The following NAV2 variants were observed in gnomAD, a reference collection of about 807,000 sequenced individuals.
The protein encoded by NAV2 is neuron navigator 2.
A neutral mutation model predicts 223.2 loss-of-function variants in NAV2; 54 were observed. The ratio of observed to expected loss-of-function variants is 0.24; its 90% CI spans 0.19 to 0.30. NAV2 has a LOEUF of 0.30. NAV2 is among the 10% of genes least tolerant of loss of function. The pLI is 1.00. For missense variants in NAV2, 2,806 were observed against 3,147.5 expected (o/e 0.89, Z 2.60); for synonymous variants, 1,279 against 1,239.3 (o/e 1.03, Z -0.67).
intron 1 of NAV2, among the ~76,000 whole-genome samples, chr11:19,571,377 G>A (rs2045419390): frequency 6.6e-6 from 1 of 152,200 alleles, no homozygotes; most frequent in African/African-American, 2.4e-5. Flanking sequence ...AGGCTACGCA[G>A]CATTATGAAA....
chr11:19,956,409 CTCTCTA>C (rs1347318221), intron 10 of NAV2, among the ~76,000 whole-genome samples: 15 of 151,818 alleles, frequency 9.9e-5, no homozygotes, highest in African/African-American at 2.9e-4. Context: ...CTCTCTCTCT[CTCTCTA>C]TCTCTCCAGA....
chr11:19,569,620 G>A (rs1475197809), intron 1 of NAV2, among the ~76,000 whole-genome samples: 1 of 151,802 alleles, frequency 6.6e-6, no homozygotes, highest in Non-Finnish European at 1.5e-5. Context: ...TATTTCTGTG[G>A]CCCCCATAGC....
At chr11:19,512,781 C>T (rs918686561) in intron 1 of NAV2, among the ~76,000 whole-genome samples, 50 of 152,176 alleles carry the variant, frequency 3.3e-4, no homozygotes, top group African/African-American at 1.2e-3. Context: ...TACTGACATG[C>T]CACACAGCCC....
rs188947208 is a variant in NAV2, at chr11:20,069,893, G to T, written c.4983+1495G>T. ...AGGGAACCATTTCTCTTTAAGGTCGGCATGTGACATACCTAGTACAGTGCT... is the reference window on the plus strand; with the variant it reads ...AGGGAACCATTTCTCTTTAAGGTCGTCATGTGACATACCTAGTACAGTGCT... On this transcript the variant is annotated intron_variant, in intron 22 of 37. Coordinates refer to ENST00000349880, the MANE Select transcript of NAV2 (RefSeq NM_145117.5). 3.9e-5 allele frequency among the ~76,000 whole-genome samples: 6 copies of T among 152,228 alleles called. No homozygotes were observed. In the East Asian group the frequency reaches 1.2e-3, roughly 29 times the overall value.
intron 1 of NAV2, among the ~76,000 whole-genome samples, chr11:19,500,462 A>G (rs879783893): frequency 6.6e-6 from 1 of 152,200 alleles, no homozygotes; most frequent in African/African-American, 2.4e-5. Flanking sequence ...CCTATCCCCA[A>G]TTACTATCCA....
At chr11:20,085,247 C>CT (rs915292435) in intron 26 of NAV2, among the ~76,000 whole-genome samples, 3 of 151,406 alleles carry the variant, frequency 2.0e-5, no homozygotes, top group Non-Finnish European at 2.9e-5. Context: ...AGAGTAAATA[C>CT]TAGTGGAGAC....
intron 11 of NAV2, among the ~76,000 whole-genome samples, chr11:20,034,520 T>C (rs542268119): frequency 6.6e-6 from 1 of 152,214 alleles, no homozygotes; most frequent in South Asian, 2.1e-4. Flanking sequence ...GCTGGGATTA[T>C]AGGCATGTGC....
chr11:19,746,179 TTCTGCTGGATC>T (rs1188658077), intron 1 of NAV2, among the ~76,000 whole-genome samples: 9 of 152,168 alleles, frequency 5.9e-5, no homozygotes, highest in African/African-American at 2.2e-4. Flanking sequence ...CACAGTTAGG[TTCTGCTGGATC>T]TCATGATATA....
chr11:19,893,804 T>C (rs2041714665), intron 6 of NAV2, among the ~76,000 whole-genome samples: 1 of 152,224 alleles, frequency 6.6e-6, no homozygotes, highest in African/African-American at 2.4e-5. Context: ...GTTACTCTTC[T>C]TCTCTCTCTC....
intron 6 of NAV2, among the ~76,000 whole-genome samples, chr11:19,911,661 A>C (rs1332855137): frequency 3.9e-5 from 6 of 152,152 alleles, no homozygotes; most frequent in African/African-American, 1.4e-4. Context: ...ATTCTTCATC[A>C]GTTCCAAATT....
intron 1 of NAV2, among the ~76,000 whole-genome samples, chr11:19,674,393 G>A (rs1245170119): frequency 6.6e-6 from 1 of 152,238 alleles, no homozygotes; most frequent in Admixed American, 6.5e-5. Context: ...TGACAGGCAG[G>A]AATGACTGCA....
chr11:19,402,349 C>A (rs569428996), intron 1 of NAV2, among the ~76,000 whole-genome samples: 1 of 152,272 alleles, frequency 6.6e-6, no homozygotes, highest in Non-Finnish European at 1.5e-5. Flanking sequence ...TACATAGAGT[C>A]GTGGTGATTA....
At chr11:19,912,805 C>G (rs958433049) in intron 6 of NAV2, among the ~76,000 whole-genome samples, 1 of 152,154 alleles carries the variant, frequency 6.6e-6, no homozygotes, top group Non-Finnish European at 1.5e-5. Context: ...AGACTGACTT[C>G]CCTAAGCTGT....
intron 1 of NAV2, among the ~76,000 whole-genome samples, chr11:19,492,074 G>A (rs1564982671): frequency 1.3e-5 from 2 of 152,158 alleles, no homozygotes; most frequent in African/African-American, 4.8e-5. Flanking sequence ...CTAATCTTGG[G>A]CACAGTTTGT....
intron 1 of NAV2, among the ~76,000 whole-genome samples, chr11:19,480,838 C>T (rs772538733): frequency 1.1e-4 from 17 of 152,340 alleles, no homozygotes; most frequent in Middle Eastern, 3.4e-3. Flanking sequence ...GGCTCCCAGA[C>T]CAGCTGCTGC....
At chr11:19,763,090 A>G (rs2054903622) in intron 1 of NAV2, among the ~76,000 whole-genome samples, 1 of 152,184 alleles carries the variant, frequency 6.6e-6, no homozygotes, top group South Asian at 2.1e-4. Context: ...CTGGTTCACT[A>G]CTTTGTCCTC....
chr11:19,463,937 G>T (rs749561753), intron 1 of NAV2, among the ~76,000 whole-genome samples: 30 of 152,172 alleles, frequency 2.0e-4, no homozygotes, highest in Middle Eastern at 6.3e-3. Flanking sequence ...GCAGGTGAGT[G>T]TCTGCCATGC....
intron 1 of NAV2, among the ~76,000 whole-genome samples, chr11:19,366,734 T>A (rs1015613447): frequency 6.6e-6 from 1 of 152,088 alleles, no homozygotes; most frequent in Non-Finnish European, 1.5e-5. Context: ...TCAGGGAATT[T>A]TTTTTCTGTT....
chr11:19,371,643 A>G (rs1848473909), intron 1 of NAV2, among the ~76,000 whole-genome samples: 1 of 152,172 alleles, frequency 6.6e-6, no homozygotes. Flanking sequence ...CATATTTTAT[A>G]GTTATTAAGT....
Sources: gnomAD v4.1 joint callset for allele counts (sites outside exome capture counted in the v4.1 genomes callset) on GRCh38, gnomAD v4.1.1 for gene constraint, MANE v1.5 for transcripts, NCBI Gene and HGNC (gene_info 2026-07-23, HGNC 2026-07-21) for gene names.